SORCS1: variants seen among roughly 807,000 people sequenced by gnomAD.
SORCS1 encodes VPS10 domain-containing receptor SorCS1.
A neutral mutation model predicts 146.1 loss-of-function variants in SORCS1; 60 were observed. The ratio of observed to expected loss-of-function variants is 0.41; its 90% CI spans 0.33 to 0.51. SORCS1 has a LOEUF of 0.51. SORCS1 is among the 20% of genes least tolerant of loss of function. The pLI is 0.21. For synonymous variants in SORCS1, 637 were observed against 584.0 expected (o/e 1.09, Z -1.31); for missense variants, 1,352 against 1,487.6 (o/e 0.91, Z 1.50).
the SORCS1 span, among the ~76,000 whole-genome samples, chr10:107,170,835 G>A: frequency 9.8e-5 from 15 of 152,288 alleles, no homozygotes; most frequent in African/African-American, 1.9e-4. Context: ...GAAGAGAGGC[G>A]GTCAAAGGCA....
intron 24 of SORCS1, among the ~76,000 whole-genome samples, chr10:106,588,205 C>G (rs779234822): frequency 1.3e-5 from 2 of 152,204 alleles, no homozygotes; most frequent in Non-Finnish European, 2.9e-5. Flanking sequence ...CTTTGCCATT[C>G]ATCTAGATTA....
At chr10:107,115,889 T>C (rs1966008338) in intron 1 of SORCS1, among the ~76,000 whole-genome samples, 1 of 152,034 alleles carries the variant, frequency 6.6e-6, no homozygotes, top group African/African-American at 2.4e-5. Flanking sequence ...AAGAAATTCA[T>C]ACAACTCAAT....
intron 18 of SORCS1, among the ~76,000 whole-genome samples, chr10:106,633,779 A>T (rs1848571511): frequency 2.6e-5 from 4 of 152,168 alleles, no homozygotes; most frequent in Admixed American, 2.0e-4. Context: ...TGGGCCTTTG[A>T]TATCAACATC....
intron 1 of SORCS1, among the ~76,000 whole-genome samples, chr10:107,007,581 C>A (rs765365579): frequency 6.6e-6 from 1 of 152,158 alleles, no homozygotes; most frequent in African/African-American, 2.4e-5. Flanking sequence ...GCAAGTCCTG[C>A]CCAAAGTGAA....
chr10:106,955,060 G>A (rs76026315), intron 2 of SORCS1, among the ~76,000 whole-genome samples: 4,029 of 152,342 alleles, frequency 0.026, 123 homozygotes, highest in African/African-American at 0.076. Context: ...GGCTAGAGCA[G>A]AGCAGTGGGA....
At chr10:107,017,431 T>A (rs569817270) in intron 1 of SORCS1, among the ~76,000 whole-genome samples, 1 of 152,252 alleles carries the variant, frequency 6.6e-6, no homozygotes, top group African/African-American at 2.4e-5. Flanking sequence ...ATAATTCTAT[T>A]TACAAATGGA....
chr10:106,842,246 G>A (rs890377852), intron 2 of SORCS1, among the ~76,000 whole-genome samples: 3 of 151,940 alleles, frequency 2.0e-5, no homozygotes, highest in Non-Finnish European at 4.4e-5. Context: ...ATTTATTTTT[G>A]TTTTTTGAGA....
chr10:107,014,932 T>C (rs1040553799), intron 1 of SORCS1, among the ~76,000 whole-genome samples: 1 of 152,236 alleles, frequency 6.6e-6, no homozygotes, highest in Admixed American at 6.5e-5. Context: ...GTGGTTGGAA[T>C]ATGGTCAGGA....
intron 3 of SORCS1, among the ~76,000 whole-genome samples, chr10:106,804,764 A>C (rs1380921203): frequency 1.3e-5 from 2 of 152,198 alleles, no homozygotes; most frequent in African/African-American, 4.8e-5. Flanking sequence ...CCTCTTCATG[A>C]ACATATATTA....
intron 9 of SORCS1, among the ~76,000 whole-genome samples, chr10:106,696,123 C>T (rs952839455): frequency 2.4e-5 from 3 of 123,646 alleles, no homozygotes; most frequent in Non-Finnish European, 5.4e-5. Flanking sequence ...AGGAATAGCA[C>T]ATAATTGGCA....
rs574115506 is a variant in SORCS1 at position 106,982,655 on chromosome 10, T to C, written c.559-26075A>G. Among the ~76,000 whole-genome samples the C allele has an allele frequency of 7.9e-5, 12 of 152,336 alleles. 1 individual carries two copies. Among genetic ancestry groups the C allele is most frequent in the Non-Finnish European group, 1.5e-4 (10 of 68,030 alleles). ...CTGTTGCCTTGTTTTTCTTACGGATTTGACTTTGCCCTCAGTTCCTTAAAG... is the reference window on the plus strand; with the variant it reads ...CTGTTGCCTTGTTTTTCTTACGGATCTGACTTTGCCCTCAGTTCCTTAAAG... On this transcript the variant is annotated intron_variant, in intron 1 of 25. Transcript: ENST00000263054.
intron 8 of SORCS1, among the ~76,000 whole-genome samples, chr10:106,704,774 A>G (rs1207995578): frequency 6.6e-6 from 1 of 152,184 alleles, no homozygotes; most frequent in East Asian, 1.9e-4. Context: ...TATGGTCTCC[A>G]TTTCCACATC....
chr10:106,730,209 C>T (rs1856494955), intron 5 of SORCS1, 95 bp from the exon 6 acceptor site: 1 of 1,133,662 alleles, frequency 8.8e-7, no homozygotes, highest in Middle Eastern at 1.9e-4. Flanking sequence ...TATTAATATC[C>T]ACAGGCATCT....
At position 106,799,294 on chromosome 10, in the gene SORCS1, C is replaced by T. The variant is rs1013858634; in HGVS notation, c.727-22602G>A. Among the ~76,000 whole-genome samples the T allele has an allele frequency of 3.3e-5, 5 of 152,298 alleles. No homozygotes were observed. In the East Asian group the frequency reaches 9.7e-4, roughly 29 times the overall value. ...TAAAAACCCTAGAAGAAAACCTAGG[C>T]AATACCATTCAGGACCTAGGCATGG... On this transcript the variant is annotated intron_variant, in intron 3 of 25. Transcript: ENST00000263054.
intron 3 of SORCS1, among the ~76,000 whole-genome samples, chr10:106,804,877 C>T (rs926502818): frequency 7.9e-5 from 12 of 152,244 alleles, no homozygotes; most frequent in Non-Finnish European, 1.3e-4. Context: ...AGGATATAAG[C>T]GCACTAAGAA....
intron 1 of SORCS1, among the ~76,000 whole-genome samples, chr10:107,009,039 T>C (rs1285369044): frequency 1.3e-5 from 2 of 152,212 alleles, no homozygotes; most frequent in Admixed American, 6.5e-5. Context: ...AACTCTCTAT[T>C]TTGTTTGCTT....
intron 8 of SORCS1, among the ~76,000 whole-genome samples, chr10:106,705,786 G>T (rs1003367791): frequency 6.6e-6 from 1 of 152,188 alleles, no homozygotes; most frequent in African/African-American, 2.4e-5. Flanking sequence ...TATTAACGCA[G>T]TTCTTCAGCA....
intron 13 of SORCS1, among the ~76,000 whole-genome samples, chr10:106,676,004 T>C (rs1289525529): frequency 3.9e-5 from 6 of 152,192 alleles, no homozygotes; most frequent in Non-Finnish European, 8.8e-5. Flanking sequence ...TTTCCGTTGT[T>C]TATAAGCCAC....
chr10:106,632,092 T>C (rs979996191), intron 18 of SORCS1, among the ~76,000 whole-genome samples: 12 of 152,148 alleles, frequency 7.9e-5, no homozygotes, highest in African/African-American at 2.9e-4. Context: ...TAACAGATCA[T>C]ACTTTACATG....
Sources: gnomAD v4.1 joint callset for allele counts (sites outside exome capture counted in the v4.1 genomes callset) on GRCh38, gnomAD v4.1.1 for gene constraint, MANE v1.5 for transcripts, NCBI Gene and HGNC (gene_info 2026-07-23, HGNC 2026-07-21) for gene names.